The following OTUD7A variants were observed in gnomAD, a reference collection of about 807,000 sequenced individuals.
OTUD7A encodes OTU domain-containing protein 7A.
OTUD7A carries 12 observed loss-of-function variants against 65.7 expected under a neutral mutation model. The observed-to-expected ratio is 0.18, with a 90% CI of 0.12 to 0.30. The LOEUF is 0.30. OTUD7A is among the 10% of genes least tolerant of loss of function. The pLI is 1.00. For missense variants in OTUD7A, 1,148 were observed against 1,304.8 expected (o/e 0.88, Z 1.85); for synonymous variants, 641 against 586.3 (o/e 1.09, Z -1.35).
At chr15:31,530,958 AAT>A (rs1463355862) in intron 5 of OTUD7A, 150 bp from the exon 6 acceptor site, 3 of 549,286 alleles carry the variant, frequency 5.5e-6, no homozygotes, top group Non-Finnish European at 9.4e-6. Flanking sequence ...CCTCAAATAA[AAT>A]ATAGATTTCT....
At chr15:31,668,029 T>C (rs908266551) in intron 1 of OTUD7A, among the ~76,000 whole-genome samples, 25 of 152,296 alleles carry the variant, frequency 1.6e-4, no homozygotes, top group African/African-American at 5.3e-4. Context: ...GTCTGACAGG[T>C]TTTCCTTTAT....
chr15:31,859,377 T>C (rs113647316), intron 1 of OTUD7A, among the ~76,000 whole-genome samples: 45 of 152,362 alleles, frequency 3.0e-4, no homozygotes, highest in African/African-American at 9.4e-4. Flanking sequence ...GTCAAGTCTA[T>C]AATACATTGT....
At chr15:31,582,486 AG>A (rs1285599459) in intron 3 of OTUD7A, among the ~76,000 whole-genome samples, 1 of 152,212 alleles carries the variant, frequency 6.6e-6, no homozygotes, top group African/African-American at 2.4e-5. Context: ...TAATTTGTAG[AG>A]GAAACAGATT....
intron 5 of OTUD7A, among the ~76,000 whole-genome samples, chr15:31,549,555 C>G (rs1314139791): frequency 6.6e-6 from 1 of 152,082 alleles, no homozygotes; most frequent in Non-Finnish European, 1.5e-5. Context: ...CTGAGTTGAT[C>G]AAAAGGGAGA....
intron 1 of OTUD7A, among the ~76,000 whole-genome samples, chr15:31,731,762 G>A (rs1011636468): frequency 6.6e-6 from 1 of 152,110 alleles, no homozygotes; most frequent in South Asian, 2.1e-4. Flanking sequence ...CACTCTGGTG[G>A]GGGAGGCTGA....
intron 1 of OTUD7A, among the ~76,000 whole-genome samples, chr15:31,792,780 T>C (rs566625530): frequency 6.6e-6 from 1 of 152,322 alleles, no homozygotes; most frequent in African/African-American, 2.4e-5. Flanking sequence ...TTCACCTCTA[T>C]GCCTCAGGGA....
Position 31,794,995 on chromosome 15 carries a change from A to G in OTUD7A, c.-100+75512T>C, listed in dbSNP as rs116813276. ...TGAATAGAGATCTATAAAAATGAAAATAAGATTACTGCGGCTATAAATCTT... is the reference window on the plus strand; with the variant it reads ...TGAATAGAGATCTATAAAAATGAAAGTAAGATTACTGCGGCTATAAATCTT... On this transcript the variant is annotated intron_variant, in intron 1 of 12. Transcript: ENST00000307050. Among the ~76,000 whole-genome samples, 678 of 152,378 alleles carry G rather than the reference A, an allele frequency of 4.4e-3. 7 individuals carry two copies. Among genetic ancestry groups the G allele is most frequent in the African/African-American group, 0.016 (648 of 41,596 alleles).
At chr15:31,800,710 G>A in intron 1 of OTUD7A, among the ~76,000 whole-genome samples, 1 of 152,210 alleles carries the variant, frequency 6.6e-6, no homozygotes, top group Non-Finnish European at 1.5e-5. Flanking sequence ...TGAGCAGAAG[G>A]AGACGCAGGG....
At chr15:31,735,873 T>C (rs1204651762) in intron 1 of OTUD7A, among the ~76,000 whole-genome samples, 1 of 152,216 alleles carries the variant, frequency 6.6e-6, no homozygotes, top group Non-Finnish European at 1.5e-5. Context: ...TGGAATACTA[T>C]GCAACCATAA....
chr15:31,686,170 G>T (rs1892832212), intron 1 of OTUD7A, among the ~76,000 whole-genome samples: 1 of 152,232 alleles, frequency 6.6e-6, no homozygotes, highest in African/African-American at 2.4e-5. Flanking sequence ...ACAGGAAGAG[G>T]GAGAGGCCTG....
At chr15:31,631,112 G>A (rs554542789) in intron 3 of OTUD7A, among the ~76,000 whole-genome samples, 1 of 152,204 alleles carries the variant, frequency 6.6e-6, no homozygotes, top group African/African-American at 2.4e-5. Context: ...TGTTATGTGT[G>A]TATTTGGTCC....
At chr15:31,784,361 C>T (rs113885075) in intron 1 of OTUD7A, among the ~76,000 whole-genome samples, 6 of 152,326 alleles carry the variant, frequency 3.9e-5, no homozygotes, top group East Asian at 1.9e-4. Flanking sequence ...TAAAACAACA[C>T]ACCCCAATAC....
intron 1 of OTUD7A, among the ~76,000 whole-genome samples, chr15:31,754,158 A>G (rs982210699): frequency 4.9e-4 from 75 of 152,214 alleles, no homozygotes; most frequent in African/African-American, 1.7e-3. Flanking sequence ...GGCCATTTGT[A>G]TATCTTCTTT....
chr15:31,822,449 G>T (rs530009934), intron 1 of OTUD7A, among the ~76,000 whole-genome samples: 1 of 152,248 alleles, frequency 6.6e-6, no homozygotes, highest in African/African-American at 2.4e-5. Flanking sequence ...CAAGAAATTC[G>T]ACCAGCGTAC....
chr15:31,525,767 T>C (rs1419005595), intron 8 of OTUD7A, among the ~76,000 whole-genome samples: 1 of 152,214 alleles, frequency 6.6e-6, no homozygotes, highest in African/African-American at 2.4e-5. Flanking sequence ...TACTAGAACA[T>C]CCAAGGTGTT....
At chr15:31,535,443 C>T (rs1344384836) in intron 5 of OTUD7A, among the ~76,000 whole-genome samples, 1 of 152,142 alleles carries the variant, frequency 6.6e-6, no homozygotes, top group Non-Finnish European at 1.5e-5. Flanking sequence ...ATAAATTACC[C>T]AGTCTGAGGT....
intron 6 of OTUD7A, among the ~76,000 whole-genome samples, chr15:31,528,731 T>C (rs756154762): frequency 2.0e-4 from 30 of 152,374 alleles, no homozygotes; most frequent in South Asian, 6.2e-4. Flanking sequence ...GACTCCAAGA[T>C]GACTGTCATT....
chr15:31,523,820 C>T (rs1403776203), intron 8 of OTUD7A, among the ~76,000 whole-genome samples: 2 of 152,266 alleles, frequency 1.3e-5, no homozygotes, highest in Non-Finnish European at 2.9e-5. Context: ...AGCAACTGTG[C>T]TTGTGCACAA....
chr15:31,613,437 A>T (rs1890489571), intron 3 of OTUD7A, among the ~76,000 whole-genome samples: 1 of 152,208 alleles, frequency 6.6e-6, no homozygotes. Flanking sequence ...ACCCAAACTC[A>T]AACAAATCAG....
Sources: gnomAD v4.1 joint callset for allele counts (sites outside exome capture counted in the v4.1 genomes callset) on GRCh38, gnomAD v4.1.1 for gene constraint, MANE v1.5 for transcripts, NCBI Gene and HGNC (gene_info 2026-07-23, HGNC 2026-07-21) for gene names.